The following BIN3 variants were observed in gnomAD, a reference collection of about 807,000 sequenced individuals.
BIN3 encodes the protein bridging integrator 3.
In BIN3, 41 loss-of-function variants were observed where a neutral mutation model predicts 38.2. The observed-to-expected ratio is 1.07, with a 90% confidence interval of 0.84 to 1.39. The LOEUF (loss-of-function observed/expected upper bound fraction) is 1.39. BIN3 is among the 40% of genes most tolerant of loss of function. BIN3 has a pLI of 0.00. For missense variants in BIN3, 361 were observed against 324.3 expected, an observed-to-expected ratio of 1.11 and a Z score of -0.87; for synonymous variants, 145 against 122.6, an observed-to-expected ratio of 1.18 and a Z score of -1.21.
At chr8:22,634,565 T>C (rs1489665624) in intron 4 of BIN3, 16 of 431,866 alleles carry the variant, frequency 3.7e-5, no homozygotes, top group Non-Finnish European at 6.9e-5. Flanking sequence ...ACTGCCTCTA[T>C]TGGGACATTT....
chr8:22,641,660 A>G (rs1287500593), intron 2 of BIN3, among the ~76,000 whole-genome samples: 1 of 152,184 alleles, frequency 6.6e-6, no homozygotes, highest in African/African-American at 2.4e-5. Context: ...GGGCCCCGCC[A>G]CCTGGCAGAT....
chr8:22,654,744 AT>A (rs2117583065), intron 1 of BIN3, among the ~76,000 whole-genome samples: 1 of 152,226 alleles, frequency 6.6e-6, no homozygotes, highest in South Asian at 2.1e-4. Context: ...TTGATGGACA[AT>A]TGGGTTGTTT....
At chr8:22,644,403 G>A (rs1802652119) in intron 2 of BIN3, among the ~76,000 whole-genome samples, 2 of 152,224 alleles carry the variant, frequency 1.3e-5, no homozygotes, top group African/African-American at 4.8e-5. Flanking sequence ...CAGTGTCTTT[G>A]GTGGGGGCCA....
intron 2 of BIN3, among the ~76,000 whole-genome samples, chr8:22,642,749 G>C (rs920858360): frequency 3.3e-5 from 5 of 152,190 alleles, no homozygotes; most frequent in African/African-American, 1.2e-4. Context: ...ACTTGCCCAA[G>C]GTCAGAGACA....
intron 1 of BIN3, among the ~76,000 whole-genome samples, chr8:22,656,027 G>C (rs1803046219): frequency 6.6e-6 from 1 of 151,842 alleles, no homozygotes; most frequent in Non-Finnish European, 1.5e-5. Context: ...TAATTTCTTG[G>C]CTGTTTTAAT....
At chr8:22,646,762 A>G (rs1391265844) in intron 1 of BIN3, among the ~76,000 whole-genome samples, 1 of 152,244 alleles carries the variant, frequency 6.6e-6, no homozygotes, top group Non-Finnish European at 1.5e-5. Flanking sequence ...GAAAAGGTTC[A>G]CGGGGAGATG....
At chr8:22,662,145 G>A (rs1294650933) in intron 1 of BIN3, among the ~76,000 whole-genome samples, 1 of 152,178 alleles carries the variant, frequency 6.6e-6, no homozygotes, top group East Asian at 1.9e-4. Context: ...CCATTCTCCA[G>A]AGGCTGGGCA....
chr8:22,645,005 A>T (rs1029748078), intron 1 of BIN3: 2 of 525,154 alleles, frequency 3.8e-6, no homozygotes, highest in African/African-American at 3.8e-5. Flanking sequence ...CCTCCCACCT[A>T]CAGTGTCAGA....
chr8:22,651,557 C>T (rs986880401), intron 1 of BIN3, among the ~76,000 whole-genome samples: 2 of 152,214 alleles, frequency 1.3e-5, no homozygotes, highest in African/African-American at 4.8e-5. Flanking sequence ...TGTTCTTCTA[C>T]CTGCAGGCTA....
At chr8:22,668,104 CCT>C (rs1449828320) in intron 1 of BIN3, among the ~76,000 whole-genome samples, 5 of 152,098 alleles carry the variant, frequency 3.3e-5, no homozygotes, top group African/African-American at 1.2e-4. Flanking sequence ...AGTTGAATCC[CCT>C]GAGGTCCAGG....
intron 4 of BIN3, among the ~76,000 whole-genome samples, chr8:22,636,166 C>G (rs1802359223): frequency 6.6e-6 from 1 of 152,232 alleles, no homozygotes; most frequent in Non-Finnish European, 1.5e-5. Context: ...GCCACGGAGT[C>G]TCGTTTCTGC....
chr8:22,651,987 G>GTT (rs35335976), intron 1 of BIN3, among the ~76,000 whole-genome samples: 1,459 of 137,862 alleles, frequency 0.011, 20 homozygotes, highest in African/African-American at 0.034. Flanking sequence ...CTTCTACCAA[G>GTT]TTTTTTTTTT....
At chr8:22,628,019 A>G (rs1337319923) in intron 6 of BIN3, among the ~76,000 whole-genome samples, 3 of 152,230 alleles carry the variant, frequency 2.0e-5, no homozygotes, top group African/African-American at 4.8e-5. Flanking sequence ...CTAAGGCTCA[A>G]TATCAAACTC....
Position 22,668,431 on chromosome 8 carries a change from C to T in BIN3, c.8+613G>A, listed in dbSNP as rs183424755. The stretch of plus-strand genomic sequence containing the variant: ...ATAGTTCCCATAAGTTTAAACTTAA[C>T]CATGCCTATTTAGAGGGCAGGCAGT... On this transcript the variant is annotated intron_variant, in intron 1 of 8. Coordinates refer to ENST00000276416, the MANE Select transcript of BIN3 (RefSeq NM_018688.6). Among the ~76,000 whole-genome samples, 815 of 152,306 alleles carry T rather than the reference C, an allele frequency of 5.4e-3. 5 individuals are homozygous for T. The highest frequency in any genetic ancestry group is 6.9e-3 in the Non-Finnish European group (471 of 68,034).
At chr8:22,624,528 G>C in intron 6 of BIN3, 165 bp from the exon 7 acceptor site, 2 of 815,832 alleles carry the variant, frequency 2.5e-6, no homozygotes, top group South Asian at 1.8e-5. Flanking sequence ...CACCTACCAA[G>C]CGCCAGACCC....
intron 1 of BIN3, among the ~76,000 whole-genome samples, chr8:22,651,768 T>C (rs1270994058): frequency 1.3e-5 from 2 of 152,356 alleles, no homozygotes; most frequent in African/African-American, 4.8e-5. Context: ...TGTATAATTT[T>C]ACAACAATGT....
At chr8:22,622,722 C>T in intron 8 of BIN3, 1 of 152,416 alleles carries the variant, frequency 6.6e-6, no homozygotes, top group Non-Finnish European at 1.5e-5. Flanking sequence ...AGGGAGGGTG[C>T]AGGGCAGCAC....
chr8:22,621,435 A>G lies in BIN3; in HGVS notation c.749T>C (p.Val250Ala), dbSNP rs755457330. 1.9e-6 allele frequency: 3 copies of G among 1,613,466 alleles called. No homozygotes were observed. The highest frequency in any genetic ancestry group is 2.5e-6 in the Non-Finnish European group (3 of 1,179,724). Residue 250 changes from valine (V) to alanine (A), a missense_variant, in exon 9 of 9, where the codon GTG (valine) becomes GCG (alanine). Coordinates refer to ENST00000276416, the MANE Select transcript of BIN3 (RefSeq NM_018688.6). ...KLSELRALSI[V>A]ADD ...AGTGACGGGGATTCAGTCATCGGCC[A>G]CAATGGAGAGGGCCCGGAGCTCACT...
intron 1 of BIN3, among the ~76,000 whole-genome samples, chr8:22,646,116 G>A (rs914642569): frequency 6.6e-6 from 1 of 152,176 alleles, no homozygotes; most frequent in African/African-American, 2.4e-5. Flanking sequence ...AAAACGAGTA[G>A]ATTAAACTAG....
Sources: gnomAD v4.1 joint callset for allele counts (sites outside exome capture counted in the v4.1 genomes callset) on GRCh38, gnomAD v4.1.1 for gene constraint, MANE v1.5 for transcripts, NCBI Gene and HGNC (gene_info 2026-07-23, HGNC 2026-07-21) for gene names.